PCDHA1: variants seen among roughly 807,000 people sequenced by gnomAD.
PCDHA1 encodes protocadherin alpha-1.
Under a neutral mutation model 61.3 loss-of-function variants are expected in PCDHA1, and 42 were observed. The ratio of observed to expected loss-of-function variants is 0.69; its 90% CI spans 0.54 to 0.89. The LOEUF is 0.89. Among genes scored for constraint, PCDHA1 ranks in the 40% least tolerant of loss-of-function variants. PCDHA1 has a pLI of 0.00. For synonymous variants in PCDHA1, 610 were observed against 553.8 expected (o/e 1.10, Z -1.43); for missense variants, 1,256 against 1,235.3 (o/e 1.02, Z -0.25).
chr5:140,816,091 C>T (rs1765841827), intron 1 of PCDHA1: 1 of 152,174 alleles, frequency 6.6e-6, no homozygotes, highest in African/African-American at 2.4e-5. Context: ...AATAAGCTGT[C>T]TGTCCTTTTC....
chr5:140,843,456 T>G (rs2150360448), intron 1 of PCDHA1: 3 of 1,595,898 alleles, frequency 1.9e-6, no homozygotes, highest in Admixed American at 3.4e-5. Flanking sequence ...AGCCTGCTGG[T>G]GCTCACGCTG....
Position 140,849,058 on chromosome 5 carries a change from A to G in PCDHA1, c.2394+60374A>G, listed in dbSNP as rs2150429611. 41 of 1,550,890 alleles carry G rather than the reference A, an allele frequency of 2.6e-5. 1 individual carries two copies. Among genetic ancestry groups the G allele is most frequent in the Non-Finnish European group, 3.6e-5 (41 of 1,140,546 alleles). On this transcript the variant is annotated intron_variant, in intron 1 of 3. Coordinates refer to ENST00000504120, the MANE Select transcript of PCDHA1 (RefSeq NM_018900.4). ...CTGGACGTGCCAACCAGCAACCAGCAGGTAAAACCTCTTGGACTTGTATTA... is the reference window on the plus strand; with the variant it reads ...CTGGACGTGCCAACCAGCAACCAGCGGGTAAAACCTCTTGGACTTGTATTA...
At chr5:140,964,454 T>C (rs1392277569) in intron 1 of PCDHA1, among the ~76,000 whole-genome samples, 1 of 152,132 alleles carries the variant, frequency 6.6e-6, no homozygotes, top group Admixed American at 6.5e-5. Flanking sequence ...CTGTAATCTC[T>C]TCCTTAAGTG....
chr5:140,875,100 G>A (rs558585314), intron 1 of PCDHA1, among the ~76,000 whole-genome samples: 2 of 152,240 alleles, frequency 1.3e-5, no homozygotes, highest in Admixed American at 6.5e-5. Context: ...TTGATGTTTT[G>A]TTACTAATAT....
chr5:140,787,143 A>G lies in PCDHA1; in HGVS notation c.853A>G (p.Ile285Val). ...AGTCGTCTTTTCCTTTGACAGTGGT[A>G]TTTCTCGTGACATTCAAGAAAAATT... The part of the protein sequence containing the change: ...GEVVFSFDSG[I>V]SRDIQEKFKV... The change falls in exon 1 of 4, where the codon ATT (isoleucine) becomes GTT (valine). Residue 285 changes from isoleucine to valine, a missense_variant. Coordinates refer to ENST00000504120, the MANE Select transcript of PCDHA1 (RefSeq NM_018900.4). 1.2e-6 allele frequency: 2 copies of G among 1,614,018 alleles called. No homozygotes were observed. The highest frequency in any genetic ancestry group is 1.1e-5 in the South Asian group (1 of 91,068).
At chr5:140,885,174 A>G (rs568198348) in intron 1 of PCDHA1, among the ~76,000 whole-genome samples, 11 of 152,108 alleles carry the variant, frequency 7.2e-5, no homozygotes, top group African/African-American at 2.6e-4. Context: ...TTTGTCCTCT[A>G]GGCACATCAG....
At chr5:140,991,214 A>G (rs922136535) in intron 3 of PCDHA1, among the ~76,000 whole-genome samples, 4 of 152,202 alleles carry the variant, frequency 2.6e-5, no homozygotes, top group Non-Finnish European at 4.4e-5. Context: ...AATTTTGTTA[A>G]ATTCATTAAT....
chr5:140,837,118 A>G (rs1774921021), intron 1 of PCDHA1: 2 of 157,076 alleles, frequency 1.3e-5, no homozygotes, highest in Non-Finnish European at 2.8e-5. Flanking sequence ...TATGTTACCT[A>G]ATATTTTATT....
intron 1 of PCDHA1, chr5:140,812,311 C>T (rs1554125951): frequency 6.6e-6 from 1 of 151,858 alleles, no homozygotes; most frequent in Non-Finnish European, 1.5e-5. Flanking sequence ...ATTTTAAAAG[C>T]CTCTTATAAT....
chr5:140,803,798 T>C, intron 1 of PCDHA1: 1 of 793,240 alleles, frequency 1.3e-6, no homozygotes, highest in Admixed American at 3.0e-5. Context: ...ATATCCACAC[T>C]TGTAATTTTG....
At chr5:141,002,203 G>T (rs2153973237) in intron 3 of PCDHA1, among the ~76,000 whole-genome samples, 1 of 152,296 alleles carries the variant, frequency 6.6e-6, no homozygotes, top group East Asian at 1.9e-4. Flanking sequence ...ATAGTCCCCG[G>T]CTTTAATCAA....
chr5:140,983,009 G>C (rs1272086703), intron 3 of PCDHA1, among the ~76,000 whole-genome samples: 2 of 151,884 alleles, frequency 1.3e-5, no homozygotes, highest in Non-Finnish European at 2.9e-5. Flanking sequence ...AAAGAAAAAG[G>C]AAGGAAGGAA....
At chr5:140,880,822 A>G (rs893258483) in intron 1 of PCDHA1, among the ~76,000 whole-genome samples, 1 of 152,206 alleles carries the variant, frequency 6.6e-6, no homozygotes, top group Non-Finnish European at 1.5e-5. Context: ...GAGTGTCTGG[A>G]AGGGCATATT....
At chr5:140,953,258 T>C (rs1042358653) in intron 1 of PCDHA1, among the ~76,000 whole-genome samples, 22 of 152,304 alleles carry the variant, frequency 1.4e-4, no homozygotes, top group African/African-American at 5.3e-4. Context: ...TTAGTTCTTT[T>C]AGCTTTAGCC....
At chr5:140,974,040 T>C (rs1554235767) in intron 1 of PCDHA1, among the ~76,000 whole-genome samples, 2 of 152,260 alleles carry the variant, frequency 1.3e-5, no homozygotes, top group African/African-American at 4.8e-5. Context: ...TTTAGCTTAT[T>C]AATATGATAA....
rs1554213778 is a variant in PCDHA1, at chr5:140,941,190, T to TC, written c.2395-37759_2395-37758insC. ...CCATCTTGAACATCCTGCTTCTTTT[T>TC]TTTTCTTTCTTCCTTTCTTTCTTCC... On this transcript the variant is annotated intron_variant, in intron 1 of 3. Coordinates refer to ENST00000504120, the MANE Select transcript of PCDHA1 (RefSeq NM_018900.4). Among the ~76,000 whole-genome samples, 446 of 129,506 alleles carry TC rather than the reference T, an allele frequency of 3.4e-3. 3 individuals are homozygous for TC. Among genetic ancestry groups the TC allele is most frequent in the South Asian group, 0.026 (101 of 3,954 alleles). The allele number at this position is 129,506 out of a possible 152,430, so 85.0% of individuals were successfully genotyped here.
chr5:140,879,844 C>CCCATCTCAG (rs1554171035), intron 1 of PCDHA1, among the ~76,000 whole-genome samples: 1 of 152,194 alleles, frequency 6.6e-6, no homozygotes, highest in Admixed American at 6.5e-5. Flanking sequence ...CTGTACCACT[C>CCCATCTCAG]CCATCTCAGC....
intron 1 of PCDHA1, among the ~76,000 whole-genome samples, chr5:140,921,583 TA>T (rs2080282425): frequency 6.6e-6 from 1 of 152,200 alleles, no homozygotes; most frequent in South Asian, 2.1e-4. Flanking sequence ...GCTCATACTA[TA>T]TTATGGTTTC....
chr5:140,788,102 C>A lies in PCDHA1; in HGVS notation c.1812C>A (p.Asn604Lys). 6 of 1,614,004 alleles carry A rather than the reference C, an allele frequency of 3.7e-6. No homozygotes were observed. Among genetic ancestry groups the A allele is most frequent in the Non-Finnish European group, 5.1e-6 (6 of 1,179,922 alleles). The change falls in exon 1 of 4, where the codon AAC (asparagine) becomes AAA (lysine). Residue 604 changes from asparagine (N) to lysine (K), a missense_variant. By Grantham distance (94) the Asn-to-Lys change is moderately conservative. Coordinates refer to ENST00000504120, the MANE Select transcript of PCDHA1 (RefSeq NM_018900.4). Reference protein sequence around the residue: ...VRAVDADSGYNAWLSYELQPA... With the variant: ...VRAVDADSGYKAWLSYELQPA... ...CAGTGGACGCCGACTCGGGCTACAA[C>A]GCGTGGCTGTCCTATGAACTGCAGC...
Sources: allele counts gnomAD v4.1 joint callset (sites outside exome capture counted in the v4.1 genomes callset), GRCh38; gene constraint gnomAD v4.1.1; transcripts MANE v1.5; gene names NCBI Gene and HGNC (gene_info 2026-07-23, HGNC 2026-07-21).